Variants in DCC observed in about 807,000 individuals in gnomAD.
DCC encodes netrin receptor DCC.
A neutral mutation model predicts 172.5 loss-of-function variants in DCC; 58 were observed. The ratio of observed to expected loss-of-function variants is 0.34; its 90% CI spans 0.27 to 0.42. DCC has a LOEUF of 0.42. Among genes scored for constraint, DCC ranks in the 10% least tolerant of loss-of-function variants. The pLI, the probability that DCC is intolerant of heterozygous loss-of-function variation, is 1.00. For synonymous variants in DCC, 709 were observed against 644.5 expected (o/e 1.10, Z -1.52); for missense variants, 1,740 against 1,791.0 (o/e 0.97, Z 0.51).
At chr18:53,189,569 C>G (rs2055335916) in intron 9 of DCC, among the ~76,000 whole-genome samples, 1 of 151,964 alleles carries the variant, frequency 6.6e-6, no homozygotes, top group Admixed American at 6.6e-5. Flanking sequence ...TTTTAAAAAC[C>G]ATTTCAGTCA....
At chr18:52,930,314 C>T (rs540143885) in intron 5 of DCC, among the ~76,000 whole-genome samples, 9 of 152,024 alleles carry the variant, frequency 5.9e-5, no homozygotes, top group East Asian at 1.9e-4. Context: ...TTTAATTAAG[C>T]GAGGTGTGGT....
intron 8 of DCC, among the ~76,000 whole-genome samples, chr18:53,160,052 A>G (rs1055788305): frequency 1.3e-5 from 2 of 152,042 alleles, no homozygotes; most frequent in Non-Finnish European, 2.9e-5. Context: ...GGGGAAGGAG[A>G]AATTGTTGAA....
intron 14 of DCC, among the ~76,000 whole-genome samples, chr18:53,328,136 A>G (rs529792077): frequency 6.6e-6 from 1 of 152,226 alleles, no homozygotes; most frequent in Admixed American, 6.5e-5. Context: ...TGTACAAAGG[A>G]TGGCACAGGT....
intron 1 of DCC, among the ~76,000 whole-genome samples, chr18:52,707,539 A>G (rs549475289): frequency 6.6e-6 from 1 of 152,228 alleles, no homozygotes; most frequent in Admixed American, 6.5e-5. Flanking sequence ...AATGAAGTCA[A>G]TATGTTGAAG....
At chr18:53,047,541 T>C (rs867512396) in intron 5 of DCC, among the ~76,000 whole-genome samples, 4 of 143,360 alleles carry the variant, frequency 2.8e-5, no homozygotes, top group Middle Eastern at 3.6e-3. Flanking sequence ...AATACATCTG[T>C]AATAACTGAC....
intron 1 of DCC, among the ~76,000 whole-genome samples, chr18:52,513,332 T>C (rs2031507157): frequency 6.6e-6 from 1 of 152,194 alleles, no homozygotes; most frequent in East Asian, 1.9e-4. Context: ...CATCACTTGT[T>C]AGCAGTGTGA....
intron 1 of DCC, among the ~76,000 whole-genome samples, chr18:52,560,019 C>A (rs908812242): frequency 2.0e-5 from 3 of 152,084 alleles, no homozygotes; most frequent in African/African-American, 7.2e-5. Flanking sequence ...CCTCTTATTG[C>A]GTATATTCCA....
chr18:52,920,038 G>T (rs73956099), intron 3 of DCC, among the ~76,000 whole-genome samples: 1,525 of 105,158 alleles, frequency 0.015, 24 homozygotes, highest in African/African-American at 0.047. Flanking sequence ...AAAAAAAAAA[G>T]AATCCAGACA....
At chr18:52,485,788 C>A (rs539552061) in intron 1 of DCC, among the ~76,000 whole-genome samples, 3 of 152,054 alleles carry the variant, frequency 2.0e-5, no homozygotes, top group Non-Finnish European at 2.9e-5. Flanking sequence ...GTTAAACATG[C>A]AAAGCAACCT....
intron 1 of DCC, among the ~76,000 whole-genome samples, chr18:52,580,113 G>C (rs1035364149): frequency 1.3e-5 from 2 of 152,224 alleles, no homozygotes; most frequent in Admixed American, 1.3e-4. Context: ...CCTCTGTGCT[G>C]CAAGTTGGGC....
intron 2 of DCC, among the ~76,000 whole-genome samples, chr18:52,883,390 G>T (rs1243948451): frequency 2.5e-5 from 2 of 79,368 alleles, no homozygotes. Context: ...GTGTGTGTGT[G>T]TGAGATCTCT....
intron 1 of DCC, among the ~76,000 whole-genome samples, chr18:52,435,402 A>T (rs941862922): frequency 6.6e-6 from 1 of 151,996 alleles, no homozygotes; most frequent in African/African-American, 2.4e-5. Context: ...TGGGTGGGGT[A>T]TGTAGTAAGA....
At chr18:53,353,002 A>G (rs541750604) in intron 15 of DCC, among the ~76,000 whole-genome samples, 2 of 152,228 alleles carry the variant, frequency 1.3e-5, no homozygotes, top group East Asian at 1.9e-4. Flanking sequence ...TTAATAATAC[A>G]TGGTTGTTAT....
At chr18:52,962,864 C>T (rs1210733207) in intron 5 of DCC, among the ~76,000 whole-genome samples, 1 of 148,304 alleles carries the variant, frequency 6.7e-6, no homozygotes, top group East Asian at 2.0e-4. Context: ...GACAAAAAAC[C>T]AAACACTGCA....
chr18:53,141,806 C>A (rs527508630), intron 7 of DCC, among the ~76,000 whole-genome samples: 1 of 152,156 alleles, frequency 6.6e-6, no homozygotes, highest in African/African-American at 2.4e-5. Context: ...TTCCCACCCG[C>A]AATTTTGAAT....
At chr18:53,209,748 CTTATAA>C (rs1245248167) in intron 11 of DCC, among the ~76,000 whole-genome samples, 2 of 152,180 alleles carry the variant, frequency 1.3e-5, no homozygotes, top group Middle Eastern at 3.4e-3. Context: ...TACTTCACAA[CTTATAA>C]TTATAAAAAT....
intron 9 of DCC, 89 bp from the exon 10 acceptor site, chr18:53,205,127 C>T: frequency 1.0e-6 from 1 of 984,814 alleles, no homozygotes; most frequent in Non-Finnish European, 1.6e-6. Context: ...TTTTATTGAA[C>T]TGTAAAAATG....
At chr18:52,679,902 T>A (rs2035713839) in intron 1 of DCC, among the ~76,000 whole-genome samples, 1 of 152,116 alleles carries the variant, frequency 6.6e-6, no homozygotes, top group African/African-American at 2.4e-5. Context: ...AATAGACTTT[T>A]TAAAAAATCA....
rs566660460 is a variant in DCC at position 53,292,676 on chromosome 18, C to T, written c.1912-12902C>T. Among the ~76,000 whole-genome samples the T allele has an allele frequency of 3.3e-5, 5 of 152,036 alleles. No homozygotes were observed. In the South Asian group the frequency reaches 6.2e-4, roughly 19 times the overall value. Reference sequence around the variant, plus strand: ...TGCACTCCAGCCTGGGTGACAAGAGCGAAACTCCGTCTCAAAACAAAAACA... The same window carrying T: ...TGCACTCCAGCCTGGGTGACAAGAGTGAAACTCCGTCTCAAAACAAAAACA... On this transcript the variant is annotated intron_variant, in intron 12 of 28. Transcript: ENST00000442544.
Sources: allele counts gnomAD v4.1 joint callset (sites outside exome capture counted in the v4.1 genomes callset), GRCh38; gene constraint gnomAD v4.1.1; transcripts MANE v1.5; gene names NCBI Gene and HGNC (gene_info 2026-07-23, HGNC 2026-07-21).